Variants in CTNNA3 observed in about 807,000 individuals in gnomAD.
The protein encoded by CTNNA3 is catenin alpha-3.
CTNNA3 carries 76 observed loss-of-function variants against 95.7 expected under a neutral mutation model. The ratio of observed to expected loss-of-function variants is 0.79; its 90% confidence interval spans 0.66 to 0.96. CTNNA3 has a LOEUF of 0.96. Among genes scored for constraint, CTNNA3 ranks in the 40% least tolerant of loss-of-function variants. The probability of loss-of-function intolerance (pLI) is 0.00; values close to 1 mark genes in which losing one functional copy is unlikely to be tolerated. For missense variants in CTNNA3, 1,191 were observed against 1,089.8 expected (o/e 1.09, Z -1.31); for synonymous variants, 431 against 374.4 (o/e 1.15, Z -1.74).
chr10:66,438,424 C>T (rs1224787587), intron 11 of CTNNA3, among the ~76,000 whole-genome samples: 1 of 152,198 alleles, frequency 6.6e-6, no homozygotes, highest in African/African-American at 2.4e-5. Context: ...GAGAGGCAGT[C>T]TGGCTACAGA....
chr10:66,247,225 T>C (rs1446264706), intron 13 of CTNNA3, among the ~76,000 whole-genome samples: 1 of 152,024 alleles, frequency 6.6e-6, no homozygotes, highest in Non-Finnish European at 1.5e-5. Flanking sequence ...AAGTAGAGAA[T>C]GGAAGGAACT....
Position 66,775,864 on chromosome 10 carries a change from T to G in CTNNA3, c.1048-340A>C, listed in dbSNP as rs538578432. ...AAGCAGGCAATTAGCTTAAAAGCAT[T>G]AGATGCCCAATTTGTCAACTTCTGT... is the stretch of plus-strand genomic sequence containing the variant. On this transcript the variant is annotated intron_variant, in intron 7 of 17. Coordinates refer to ENST00000433211, the MANE Select transcript of CTNNA3 (RefSeq NM_013266.4). 3.3e-5 allele frequency among the ~76,000 whole-genome samples: 5 copies of G among 152,330 alleles called. No individual in the cohort carries two copies. The South Asian group carries it at 1.0e-3, about 32-fold the overall frequency.
At chr10:66,166,273 AC>A (rs768806039) in intron 13 of CTNNA3, among the ~76,000 whole-genome samples, 1 of 151,814 alleles carries the variant, frequency 6.6e-6, no homozygotes, top group South Asian at 2.1e-4. Context: ...GGAGTTCAAG[AC>A]CAGCCTGGCC....
In CTNNA3 at chr10:67,178,539, C is replaced by T. The variant is rs949554301; in HGVS notation, c.1047+1778G>A. Among the ~76,000 whole-genome samples, 39 of 152,088 alleles carry T rather than the reference C, an allele frequency of 2.6e-4. 1 individual carries two copies. Among genetic ancestry groups the T allele is most frequent in the African/African-American group, 9.2e-4 (38 of 41,440 alleles). ...CCTGCTTTTTGAACAAGAAGCCTCA[C>T]ATTTTCATTTTGTATTAGGCCCCAC... On this transcript the variant is annotated intron_variant, in intron 7 of 17. Coordinates refer to ENST00000433211, the MANE Select transcript of CTNNA3 (RefSeq NM_013266.4).
intron 1 of CTNNA3, among the ~76,000 whole-genome samples, chr10:67,702,595 C>A (rs1841048173): frequency 6.6e-6 from 1 of 152,176 alleles, no homozygotes; most frequent in African/African-American, 2.4e-5. Context: ...AAAGACACAA[C>A]ATGCCAGAAT....
intron 5 of CTNNA3, among the ~76,000 whole-genome samples, chr10:67,497,091 C>T (rs922607365): frequency 3.3e-5 from 5 of 152,128 alleles, no homozygotes; most frequent in African/African-American, 2.4e-5. Context: ...TAGGCCCCCA[C>T]CCACTGACAG....
At chr10:66,467,785 T>C (rs1838977538) in intron 11 of CTNNA3, among the ~76,000 whole-genome samples, 1 of 152,094 alleles carries the variant, frequency 6.6e-6, no homozygotes. Context: ...TATCATAGCG[T>C]ATGGTAAGTG....
intron 15 of CTNNA3, among the ~76,000 whole-genome samples, chr10:66,061,421 C>T (rs976402265): frequency 2.0e-5 from 3 of 152,018 alleles, no homozygotes; most frequent in African/African-American, 4.8e-5. Flanking sequence ...TTCTCCAAAG[C>T]GCATCTAATT....
chr10:67,138,109 T>C (rs983930240), intron 7 of CTNNA3, among the ~76,000 whole-genome samples: 6 of 152,022 alleles, frequency 3.9e-5, no homozygotes, highest in African/African-American at 9.7e-5. Flanking sequence ...CCCTTTCAGA[T>C]GCACCTCCAA....
intron 10 of CTNNA3, among the ~76,000 whole-genome samples, chr10:66,551,896 C>CTTT (rs141885331): frequency 5.9e-4 from 67 of 113,944 alleles, no homozygotes; most frequent in African/African-American, 1.0e-3. Flanking sequence ...TTTTCTTTTC[C>CTTT]TTTTTTTTTT....
At chr10:66,066,627 T>C (rs941402829) in intron 15 of CTNNA3, among the ~76,000 whole-genome samples, 21 of 152,152 alleles carry the variant, frequency 1.4e-4, no homozygotes, top group African/African-American at 5.1e-4. Flanking sequence ...AATAGACATT[T>C]AAAGAGGTAT....
chr10:66,543,899 A>ATG (rs370848565), intron 10 of CTNNA3, among the ~76,000 whole-genome samples: 28 of 40,688 alleles, frequency 6.9e-4, no homozygotes, highest in African/African-American at 2.1e-3. Context: ...CCTTCTTGAG[A>ATG]TGTGTGTGTG....
intron 10 of CTNNA3, among the ~76,000 whole-genome samples, chr10:66,578,789 T>G (rs546112985): frequency 0.026 from 3,893 of 151,424 alleles, 88 homozygotes; most frequent in East Asian, 0.056. Flanking sequence ...TCTTTCTTTT[T>G]TTTTTTTTGT....
intron 12 of CTNNA3, among the ~76,000 whole-genome samples, chr10:66,352,413 T>C (rs543394821): frequency 6.6e-6 from 1 of 152,032 alleles, no homozygotes; most frequent in East Asian, 1.9e-4. Flanking sequence ...AAGATAGAGA[T>C]AGTTTTCCAA....
intron 9 of CTNNA3, among the ~76,000 whole-genome samples, chr10:66,703,319 T>A (rs1018150310): frequency 6.6e-6 from 1 of 152,186 alleles, no homozygotes; most frequent in Non-Finnish European, 1.5e-5. Flanking sequence ...CTCTCTTCAC[T>A]GGTGCTGGCA....
intron 13 of CTNNA3, among the ~76,000 whole-genome samples, chr10:66,132,489 C>T (rs1235260283): frequency 6.6e-6 from 1 of 151,740 alleles, no homozygotes; most frequent in Non-Finnish European, 1.5e-5. Context: ...TGTGGAAGAT[C>T]TGATTCCTCA....
At chr10:66,276,646 T>C (rs930130102) in intron 13 of CTNNA3, among the ~76,000 whole-genome samples, 7 of 152,124 alleles carry the variant, frequency 4.6e-5, no homozygotes, top group African/African-American at 1.7e-4. Context: ...AACATTGCCT[T>C]ATAAAAGAAG....
intron 9 of CTNNA3, among the ~76,000 whole-genome samples, chr10:66,635,620 G>T (rs948941147): frequency 6.6e-6 from 1 of 152,074 alleles, no homozygotes; most frequent in East Asian, 1.9e-4. Flanking sequence ...GGGAACAGAA[G>T]GTGTTGCATA....
chr10:66,143,381 T>G (rs1400217744), intron 13 of CTNNA3, among the ~76,000 whole-genome samples: 2 of 152,154 alleles, frequency 1.3e-5, no homozygotes, highest in Non-Finnish European at 2.9e-5. Context: ...TTTTTAAGTT[T>G]CTTGCTGAAA....
Sources: allele counts gnomAD v4.1 joint callset (sites outside exome capture counted in the v4.1 genomes callset), GRCh38; gene constraint gnomAD v4.1.1; transcripts MANE v1.5; gene names NCBI Gene and HGNC (gene_info 2026-07-23, HGNC 2026-07-21).